The following WNT5A variants were observed in gnomAD, a reference collection of about 807,000 sequenced individuals.
WNT5A encodes the protein protein Wnt-5a.
A neutral mutation model predicts 42.1 loss-of-function variants in WNT5A; 9 were observed. That is an observed-to-expected ratio of 0.21 (90% CI 0.13 to 0.37). WNT5A has a LOEUF of 0.37. Ranked by LOEUF, WNT5A falls within the 10% of genes least tolerant of loss-of-function variation. The pLI, the probability that WNT5A is intolerant of heterozygous loss-of-function variation, is 1.00. For synonymous variants in WNT5A, 210 were observed against 210.0 expected, an observed-to-expected ratio of 1.00 and a Z score of 0.00; for missense variants, 426 against 534.0, an observed-to-expected ratio of 0.80 and a Z score of 1.99.
intron 1 of WNT5A, among the ~76,000 whole-genome samples, chr3:55,484,439 A>C (rs1482333639): frequency 6.6e-6 from 1 of 152,168 alleles, no homozygotes; most frequent in Non-Finnish European, 1.5e-5. Flanking sequence ...TTGTGTCCAC[A>C]GCAATATGTG....
chr3:55,476,596 A>G lies in WNT5A; in HGVS notation c.392-1967T>C, dbSNP rs530850410. ...TATACAGAGCATAAGAAGGCTTTAT[A>G]CAAAACACAAACAATGCTTCTTTTT... On this transcript the variant is annotated intron_variant, in intron 3 of 4. Transcript: ENST00000264634. Among the ~76,000 whole-genome samples, 7 of 152,374 alleles carry G rather than the reference A, an allele frequency of 4.6e-5. No homozygotes were observed. The South Asian group carries it at 1.2e-3, about 27-fold the overall frequency.
the WNT5A span, among the ~76,000 whole-genome samples, chr3:55,496,106 C>A: frequency 6.6e-6 from 1 of 151,988 alleles, no homozygotes; most frequent in Admixed American, 6.5e-5. Flanking sequence ...TTAAAAGGTA[C>A]CTGATGTAAT....
intron 3 of WNT5A, among the ~76,000 whole-genome samples, chr3:55,476,193 A>T (rs2051353977): frequency 6.6e-6 from 1 of 152,168 alleles, no homozygotes; most frequent in African/African-American, 2.4e-5. Context: ...CCAGCAGGCC[A>T]CCTCATTCTT....
At chr3:55,471,377 C>T (rs2051248853) in intron 4 of WNT5A, among the ~76,000 whole-genome samples, 1 of 152,180 alleles carries the variant, frequency 6.6e-6, no homozygotes, top group African/African-American at 2.4e-5. Context: ...GCTAAGAGCA[C>T]CCACCCTGGA....
chr3:55,471,839 A>G (rs919255598), intron 4 of WNT5A, among the ~76,000 whole-genome samples: 2 of 152,214 alleles, frequency 1.3e-5, no homozygotes, highest in African/African-American at 4.8e-5. Flanking sequence ...GGAACCTGGA[A>G]GCTGGGGGTG....
At chr3:55,501,474 T>C in the WNT5A span, 1 of 152,226 alleles carries the variant, frequency 6.6e-6, no homozygotes, top group Non-Finnish European at 1.5e-5. Context: ...GTTCTTTTCT[T>C]TAGAGAATCT....
chr3:55,485,829 G>A (rs648872), intron 1 of WNT5A, among the ~76,000 whole-genome samples: 30,302 of 152,098 alleles, frequency 0.2, 3,363 homozygotes, highest in African/African-American at 0.29. Flanking sequence ...GGGCCGTGGG[G>A]TCTCCAGACT....
At position 55,474,382 on chromosome 3, in the gene WNT5A, A is replaced by G; in HGVS notation, c.639T>C (p.Ser213=). 6.2e-7 allele frequency: 1 copy of G among 1,612,514 alleles called. No homozygotes were observed. The highest frequency in any genetic ancestry group is 1.3e-5 in the African/African-American group (1 of 74,868). Residue 213 remains serine, a synonymous_variant, in exon 4 of 5, where the codon AGT becomes AGC. Coordinates refer to ENST00000264634, the MANE Select transcript of WNT5A (RefSeq NM_003392.7). ...ERIHAKGSYE[S]ARILMNLHNN... ...TGTGCAGGTTCATGAGGATGCGAGC[A>G]CTCTCGTAGGAGCCCTTGGCGTGGA...
upstream of WNT5A, among the ~76,000 whole-genome samples, chr3:55,491,300 T>A (rs868723003): frequency 6.6e-6 from 1 of 152,146 alleles, no homozygotes; most frequent in Non-Finnish European, 1.5e-5. Flanking sequence ...AACCAATGCC[T>A]CTCCATCTGT....
chr3:55,480,259 C>T (rs912433173), intron 2 of WNT5A, among the ~76,000 whole-genome samples: 3 of 152,216 alleles, frequency 2.0e-5, no homozygotes, highest in African/African-American at 7.2e-5. Context: ...AAGAAACCCC[C>T]ACTTGGGGAC....
chr3:55,470,408 A>C lies in WNT5A; in HGVS notation c.827T>G (p.Met276Arg). The change falls in exon 5 of 5, where the codon ATG becomes AGG. Residue 276 changes from methionine to arginine, a missense_variant. Coordinates refer to ENST00000264634, the MANE Select transcript of WNT5A (RefSeq NM_003392.7). ...CAACTTGCCCCGGCTGTTGAGCCGCATGGCCGCCGCGCTGTCGTACTTCTC... is the reference window on the plus strand; with the variant it reads ...CAACTTGCCCCGGCTGTTGAGCCGCCTGGCCGCCGCGCTGTCGTACTTCTC... The part of the protein sequence containing the change: ...LKEKYDSAAA[M>R]RLNSRGKLVQ... 1 of 1,613,540 alleles carries C rather than the reference A, an allele frequency of 6.2e-7. No individual in the cohort carries two copies. The highest frequency in any genetic ancestry group is 8.5e-7 in the Non-Finnish European group (1 of 1,179,732).
chr3:55,504,340 C>A, the WNT5A span, among the ~76,000 whole-genome samples: 4 of 151,800 alleles, frequency 2.6e-5, no homozygotes, highest in South Asian at 2.1e-4. Context: ...TGCCTGCCCC[C>A]AAAAAACAAA....
upstream of WNT5A, among the ~76,000 whole-genome samples, chr3:55,488,494 GA>G (rs970157661): frequency 9.3e-4 from 130 of 140,190 alleles, no homozygotes; most frequent in Middle Eastern, 0.015. Flanking sequence ...AAGAGAGAGG[GA>G]AGGGGGGGGA....
intron 1 of WNT5A, among the ~76,000 whole-genome samples, chr3:55,484,683 G>GAT (rs1196795354): frequency 1.1e-5 from 1 of 93,938 alleles, no homozygotes; most frequent in East Asian, 3.0e-4. Context: ...CAGGCCCCAG[G>GAT]ATACACACAC....
At chr3:55,493,761 C>CAAATAAAAAAAA (rs1440742736), upstream of WNT5A, 4 of 152,246 alleles carry the variant, frequency 2.6e-5, no homozygotes, top group Admixed American at 6.5e-5. Flanking sequence ...TAAATAAAAA[C>CAAATAAAAAAAA]AAAACTATTT....
the WNT5A span, among the ~76,000 whole-genome samples, chr3:55,499,345 C>T: frequency 7.2e-5 from 11 of 152,148 alleles, no homozygotes; most frequent in African/African-American, 2.7e-4. Context: ...ACTCTGAGGA[C>T]AAGTCCATGA....
chr3:55,482,145 G>C (rs1002501691), intron 1 of WNT5A, among the ~76,000 whole-genome samples: 3 of 152,238 alleles, frequency 2.0e-5, no homozygotes, highest in Non-Finnish European at 2.9e-5. Context: ...GAGTCCAGAC[G>C]GGGCCAGAGG....
intron 3 of WNT5A, among the ~76,000 whole-genome samples, chr3:55,476,413 G>A (rs889820165): frequency 6.6e-6 from 1 of 152,148 alleles, no homozygotes; most frequent in Non-Finnish European, 1.5e-5. Context: ...AAAGGAATGA[G>A]GACAATATAC....
intron 1 of WNT5A, among the ~76,000 whole-genome samples, chr3:55,485,350 A>G (rs543237855): frequency 6.6e-6 from 1 of 151,840 alleles, no homozygotes; most frequent in Non-Finnish European, 1.5e-5. Context: ...CCCCTTGAGC[A>G]CCGGAGCGCA....
Sources: allele counts gnomAD v4.1 joint callset (sites outside exome capture counted in the v4.1 genomes callset), GRCh38; gene constraint gnomAD v4.1.1; transcripts MANE v1.5; gene names NCBI Gene and HGNC (gene_info 2026-07-23, HGNC 2026-07-21).